XKR9: variants seen among roughly 807,000 people sequenced by gnomAD.
XKR9 encodes the protein XK-related protein 9.
Under a neutral mutation model 32.0 loss-of-function variants are expected in XKR9, and 32 were observed. The observed-to-expected ratio is 1.00, with a 90% CI of 0.76 to 1.34. The LOEUF (loss-of-function observed/expected upper bound fraction) is 1.34. XKR9 is among the 40% of genes most tolerant of loss of function. The pLI is 0.00. For missense variants in XKR9, 546 were observed against 429.7 expected (o/e 1.27, Z -2.39); for synonymous variants, 168 against 143.4 (o/e 1.17, Z -1.22).
chr8:70,874,953 G>T, the XKR9 span, among the ~76,000 whole-genome samples: 1 of 152,008 alleles, frequency 6.6e-6, no homozygotes, highest in African/African-American at 2.4e-5. Flanking sequence ...TTCTGCCTTC[G>T]GTCACATGCT....
At chr8:70,802,289 G>T in the XKR9 span, among the ~76,000 whole-genome samples, 1 of 152,104 alleles carries the variant, frequency 6.6e-6, no homozygotes, top group Admixed American at 6.5e-5. Flanking sequence ...TCTGAAATTA[G>T]ATTATCAACT....
chr8:70,723,999 C>T (rs1268873093), intron 4 of XKR9, among the ~76,000 whole-genome samples: 4 of 151,710 alleles, frequency 2.6e-5, no homozygotes, highest in Admixed American at 1.3e-4. Flanking sequence ...ACCCCTTTAC[C>T]GAGGTGTTCT....
At chr8:70,971,674 C>G in the XKR9 span, among the ~76,000 whole-genome samples, 1 of 152,186 alleles carries the variant, frequency 6.6e-6, no homozygotes, top group South Asian at 2.1e-4. Context: ...CATTCTTCTA[C>G]ATGTGGCTTG....
the XKR9 span, among the ~76,000 whole-genome samples, chr8:70,832,378 A>G: frequency 6.6e-6 from 1 of 152,220 alleles, no homozygotes; most frequent in Admixed American, 6.5e-5. Context: ...CGTGACAAAA[A>G]TAGACACAAA....
intron 2 of XKR9, among the ~76,000 whole-genome samples, chr8:70,751,860 T>C (rs550700313): frequency 6.6e-6 from 1 of 152,314 alleles, no homozygotes; most frequent in Admixed American, 6.5e-5. Context: ...TGCCACCAGC[T>C]TCCTTGGTTT....
chr8:70,802,232 G>A, the XKR9 span, among the ~76,000 whole-genome samples: 48,613 of 152,028 alleles, frequency 0.32, 9,141 homozygotes, highest in Non-Finnish European at 0.43. Context: ...CACCGCGCCC[G>A]GCCCTTCTTT....
At chr8:70,871,592 A>G in the XKR9 span, among the ~76,000 whole-genome samples, 26 of 152,276 alleles carry the variant, frequency 1.7e-4, no homozygotes, top group Admixed American at 3.3e-4. Flanking sequence ...AGCAAACTTA[A>G]TAGATATGTG....
the XKR9 span, among the ~76,000 whole-genome samples, chr8:70,876,808 T>TTG: frequency 6.6e-6 from 1 of 152,062 alleles, no homozygotes; most frequent in Non-Finnish European, 1.5e-5. Flanking sequence ...TTTATACAAC[T>TTG]TGTGTGTGTG....
chr8:70,814,895 G>A, the XKR9 span, among the ~76,000 whole-genome samples: 1 of 152,206 alleles, frequency 6.6e-6, no homozygotes, highest in Non-Finnish European at 1.5e-5. Flanking sequence ...ATTCAGTAAA[G>A]TTTCTGTATA....
At position 70,675,441 on chromosome 8, in the gene XKR9, C is replaced by T. The variant is rs141698702; in HGVS notation, c.-279+542C>T. ...TGTACAGCCTGCTTAAAGTCCTCTT[C>T]TGAAGAAGCTTTTTCTTTCTCTCTC... On this transcript the variant is annotated intron_variant, in intron 2 of 4. Transcript: ENST00000408926. Among the ~76,000 whole-genome samples, 9 of 152,316 alleles carry T rather than the reference C, an allele frequency of 5.9e-5. No homozygotes were observed. The East Asian group carries it at 1.5e-3, about 26-fold the overall frequency.
the XKR9 span, among the ~76,000 whole-genome samples, chr8:71,043,850 A>T: frequency 6.6e-6 from 1 of 152,252 alleles, no homozygotes; most frequent in East Asian, 1.9e-4. Flanking sequence ...ATATATTGAT[A>T]TATAAAAAAC....
chr8:70,824,117 C>T, the XKR9 span, among the ~76,000 whole-genome samples: 1 of 152,032 alleles, frequency 6.6e-6, no homozygotes, highest in Non-Finnish European at 1.5e-5. Flanking sequence ...GTGCTATATA[C>T]TATGATTCTG....
chr8:70,880,688 C>T, the XKR9 span, among the ~76,000 whole-genome samples: 123 of 152,190 alleles, frequency 8.1e-4, no homozygotes, highest in African/African-American at 2.9e-3. Context: ...TGAAAATGGC[C>T]GTACTGCCCA....
the XKR9 span, among the ~76,000 whole-genome samples, chr8:71,013,316 G>A: frequency 6.6e-6 from 1 of 152,086 alleles, no homozygotes; most frequent in Non-Finnish European, 1.5e-5. Flanking sequence ...AAGAGTAGGA[G>A]AGGGACATTA....
the XKR9 span, among the ~76,000 whole-genome samples, chr8:70,872,269 A>G: frequency 6.6e-6 from 1 of 152,232 alleles, no homozygotes; most frequent in Non-Finnish European, 1.5e-5. Flanking sequence ...AAGCAGCCAC[A>G]ACATTCCCTT....
chr8:70,796,071 T>C, the XKR9 span, among the ~76,000 whole-genome samples: 26 of 151,846 alleles, frequency 1.7e-4, no homozygotes, highest in African/African-American at 6.3e-4. Context: ...TTTTTTTTAG[T>C]TTTTGTTTCA....
chr8:70,872,254 G>T, the XKR9 span, among the ~76,000 whole-genome samples: 1 of 152,182 alleles, frequency 6.6e-6, no homozygotes, highest in African/African-American at 2.4e-5. Flanking sequence ...CTGGATAGAA[G>T]AGAAAAGCAG....
At chr8:70,802,175 A>G in the XKR9 span, among the ~76,000 whole-genome samples, 1 of 151,912 alleles carries the variant, frequency 6.6e-6, no homozygotes, top group South Asian at 2.1e-4. Flanking sequence ...TGACCTCGTG[A>G]GCCGCCCGCC....
chr8:71,017,026 A>C, the XKR9 span, among the ~76,000 whole-genome samples: 1 of 152,324 alleles, frequency 6.6e-6, no homozygotes, highest in African/African-American at 2.4e-5. Flanking sequence ...ATTAATAACT[A>C]TGTAAGTTAA....
Sources: allele counts gnomAD v4.1 joint callset (sites outside exome capture counted in the v4.1 genomes callset), GRCh38; gene constraint gnomAD v4.1.1; transcripts MANE v1.5; gene names NCBI Gene and HGNC (gene_info 2026-07-23, HGNC 2026-07-21).